The following EDIL3 variants were observed in gnomAD, a reference collection of about 807,000 sequenced individuals.
The protein encoded by EDIL3 is EGF like and discoidin domains 3, also known as EGF-like repeat and discoidin I-like domain-containing protein 3.
EDIL3 carries 37 observed loss-of-function variants against 67.4 expected under a neutral mutation model. That is an observed-to-expected ratio of 0.55 (90% confidence interval 0.42 to 0.72). The LOEUF (loss-of-function observed/expected upper bound fraction) is 0.72. EDIL3 is among the 30% of genes least tolerant of loss of function. The pLI is 0.00. For synonymous variants in EDIL3, 195 were observed against 196.3 expected, an observed-to-expected ratio of 0.99 and a Z score of 0.05; for missense variants, 527 against 586.3, an observed-to-expected ratio of 0.90 and a Z score of 1.04.
At chr5:84,097,903 C>T (rs1747293658) in intron 6 of EDIL3, among the ~76,000 whole-genome samples, 2 of 152,038 alleles carry the variant, frequency 1.3e-5, no homozygotes, top group South Asian at 4.1e-4. Flanking sequence ...GTTAGCAAAG[C>T]ACCCAGAATT....
intron 9 of EDIL3, among the ~76,000 whole-genome samples, chr5:84,019,229 A>G (rs253158): frequency 0.86 from 131,267 of 151,978 alleles, 57,078 homozygotes; most frequent in Non-Finnish European, 0.91. Context: ...AAAATGATGA[A>G]TTCATATCCT....
At chr5:84,259,832 T>A (rs1745192707) in intron 1 of EDIL3, among the ~76,000 whole-genome samples, 1 of 152,108 alleles carries the variant, frequency 6.6e-6, no homozygotes, top group South Asian at 2.1e-4. Flanking sequence ...TGAGCACCTA[T>A]AAAATACTAC....
rs541106089 is a variant in EDIL3, at chr5:84,297,362, T to C, written c.68-43150A>G. 2.0e-5 allele frequency among the ~76,000 whole-genome samples: 3 copies of C among 152,112 alleles called. No homozygotes were observed. In the South Asian group the frequency reaches 6.2e-4, roughly 32 times the overall value. On this transcript the variant is annotated intron_variant, in intron 1 of 10. Transcript: ENST00000296591. ...CTCATGCCAGTCAGAATGACAATTA[T>C]AAAAAATTTCAAGAAACAACAGATG... is the stretch of plus-strand genomic sequence containing the variant.
At chr5:84,079,393 C>T (rs1746922577) in intron 6 of EDIL3, among the ~76,000 whole-genome samples, 2 of 152,020 alleles carry the variant, frequency 1.3e-5, no homozygotes, top group African/African-American at 2.4e-5. Flanking sequence ...TGGGACTGGG[C>T]CTTTAACCTA....
intron 1 of EDIL3, among the ~76,000 whole-genome samples, chr5:84,309,495 C>T (rs1294553668): frequency 6.7e-6 from 1 of 150,354 alleles, no homozygotes; most frequent in East Asian, 2.0e-4. Flanking sequence ...CTTCCCCCGT[C>T]CCCCCACCCC....
intron 9 of EDIL3, among the ~76,000 whole-genome samples, chr5:83,990,905 A>G (rs925552891): frequency 6.6e-6 from 1 of 151,066 alleles, no homozygotes; most frequent in Non-Finnish European, 1.5e-5. Flanking sequence ...AAATAAATAA[A>G]TAAATAAATA....
intron 1 of EDIL3, among the ~76,000 whole-genome samples, chr5:84,374,423 T>C (rs1032673402): frequency 2.4e-4 from 37 of 152,314 alleles, no homozygotes; most frequent in African/African-American, 8.4e-4. Context: ...AGTAGAAATG[T>C]TTCCTAAAGT....
At chr5:84,132,271 CT>C (rs1348568978) in intron 5 of EDIL3, among the ~76,000 whole-genome samples, 21 of 107,810 alleles carry the variant, frequency 1.9e-4, no homozygotes, top group Non-Finnish European at 2.8e-4. Context: ...TATAATATAT[CT>C]TTTTTTCATA....
intron 3 of EDIL3, among the ~76,000 whole-genome samples, chr5:84,197,192 A>T (rs771860557): frequency 5.9e-4 from 90 of 151,990 alleles, no homozygotes; most frequent in Non-Finnish European, 8.8e-4. Context: ...GCCAAGGGAG[A>T]TTATAGACAA....
At chr5:84,012,605 A>G (rs1194759825) in intron 9 of EDIL3, among the ~76,000 whole-genome samples, 1 of 152,112 alleles carries the variant, frequency 6.6e-6, no homozygotes, top group Non-Finnish European at 1.5e-5. Flanking sequence ...ACTCTATCTA[A>G]GCTTTGTTAA....
intron 2 of EDIL3, among the ~76,000 whole-genome samples, chr5:84,250,837 T>C (rs1408775277): frequency 5.9e-5 from 9 of 152,212 alleles, no homozygotes; most frequent in Non-Finnish European, 1.2e-4. Flanking sequence ...AATTTCATAA[T>C]ATATATGGCT....
Position 83,984,311 on chromosome 5 carries a change from C to A in EDIL3, c.1138-20951G>T, listed in dbSNP as rs1422355875. Among the ~76,000 whole-genome samples the A allele has an allele frequency of 2.0e-5, 3 of 151,858 alleles. No homozygotes were observed. In the East Asian group the frequency reaches 5.8e-4, roughly 29 times the overall value. The stretch of plus-strand genomic sequence containing the variant: ...TATAAGGGGTTCTGGAAATATCTGG[C>A]AAAAAACAACAGGTAAAGCTCTAAG... On this transcript the variant is annotated intron_variant, in intron 9 of 10. Coordinates refer to ENST00000296591, the MANE Select transcript of EDIL3 (RefSeq NM_005711.5).
intron 6 of EDIL3, among the ~76,000 whole-genome samples, chr5:84,104,295 G>A (rs1227557760): frequency 6.6e-6 from 1 of 151,266 alleles, no homozygotes; most frequent in Non-Finnish European, 1.5e-5. Context: ...CTTAATACCA[G>A]AGTAACAAAA....
intron 3 of EDIL3, among the ~76,000 whole-genome samples, chr5:84,216,771 T>C (rs933831739): frequency 1.3e-5 from 2 of 152,144 alleles, no homozygotes; most frequent in African/African-American, 4.8e-5. Context: ...ATAATGAAAG[T>C]AAAAATAGCA....
At chr5:84,377,874 C>T (rs555827469) in intron 1 of EDIL3, among the ~76,000 whole-genome samples, 2 of 152,142 alleles carry the variant, frequency 1.3e-5, no homozygotes, top group Non-Finnish European at 2.9e-5. Flanking sequence ...CTTAAAAAGC[C>T]GTCACCTAAA....
In EDIL3 at chr5:83,941,086, T is replaced by A. The variant is rs1744216105; in HGVS notation, c.*2333A>T. The A allele has an allele frequency of 6.6e-6, 1 of 151,980 alleles. No homozygotes were observed. Among genetic ancestry groups the A allele is most frequent in the Non-Finnish European group, 1.5e-5 (1 of 67,894 alleles). 9.4% of individuals were successfully genotyped at this position (151,980 alleles called of 1,614,324 possible). ...AGTGTGAATTTACATAGAATAAATT[T>A]ACTTCACTTTCATGTCATCGACATG... On this transcript the variant is annotated 3_prime_UTR_variant, in exon 11 of 11. Transcript: ENST00000296591.
chr5:84,276,730 G>A (rs182050023), intron 1 of EDIL3, among the ~76,000 whole-genome samples: 29 of 151,830 alleles, frequency 1.9e-4, no homozygotes, highest in South Asian at 4.2e-4. Flanking sequence ...CACCACGCTC[G>A]GCTAAATTTT....
chr5:84,151,478 G>A lies in EDIL3; in HGVS notation c.356-14124C>T, dbSNP rs148074842. Among the ~76,000 whole-genome samples the A allele has an allele frequency of 4.5e-3, 682 of 152,240 alleles. 6 individuals carry two copies. Among genetic ancestry groups the A allele is most frequent in the African/African-American group, 0.016 (665 of 41,534 alleles). ...AGTAGTTTAATAAAACATAGTAATA[G>A]GAGGAGCTGTATTCATAAAGATGAG... On this transcript the variant is annotated intron_variant, in intron 4 of 10. Coordinates refer to ENST00000296591, the MANE Select transcript of EDIL3 (RefSeq NM_005711.5).
At chr5:84,266,674 T>C (rs1410691038) in intron 1 of EDIL3, among the ~76,000 whole-genome samples, 1 of 152,164 alleles carries the variant, frequency 6.6e-6, no homozygotes, top group Non-Finnish European at 1.5e-5. Flanking sequence ...CTTGAACCAC[T>C]TGTATATAAA....
Sources: allele counts gnomAD v4.1 joint callset (sites outside exome capture counted in the v4.1 genomes callset), GRCh38; gene constraint gnomAD v4.1.1; transcripts MANE v1.5; gene names NCBI Gene and HGNC (gene_info 2026-07-23, HGNC 2026-07-21).